DTNB: variants seen among roughly 807,000 people sequenced by gnomAD.
DTNB encodes DTN-B.
Under a neutral mutation model 90.7 loss-of-function variants are expected in DTNB, and 63 were observed. That is an observed-to-expected ratio of 0.69 (90% CI 0.57 to 0.86). The LOEUF is 0.86. Ranked by LOEUF, DTNB falls within the 40% of genes least tolerant of loss-of-function variation. The pLI is 0.00. For synonymous variants in DTNB, 277 were observed against 286.7 expected, an observed-to-expected ratio of 0.97 and a Z score of 0.34; for missense variants, 744 against 807.1, an observed-to-expected ratio of 0.92 and a Z score of 0.95.
At chr2:25,652,290 T>C (rs1403311735) in intron 2 of DTNB, among the ~76,000 whole-genome samples, 1 of 152,186 alleles carries the variant, frequency 6.6e-6, no homozygotes, top group Admixed American at 6.5e-5. Context: ...CCTGCAAAGT[T>C]CATGGTAACA....
chr2:25,609,657 TACACACACACACACACACACACACAC>T (rs4007298), intron 4 of DTNB, among the ~76,000 whole-genome samples: 11 of 127,006 alleles, frequency 8.7e-5, no homozygotes, highest in Non-Finnish European at 1.6e-4. Flanking sequence ...TAATAGAATG[TACACACACACACACACACACACACAC>T]ACACACACAC....
chr2:25,604,866 G>C (rs1373078844), intron 5 of DTNB, among the ~76,000 whole-genome samples: 7 of 151,348 alleles, frequency 4.6e-5, no homozygotes, highest in Non-Finnish European at 1.0e-4. Context: ...GATTACAGGC[G>C]GGAGCCACTG....
At chr2:25,586,313 C>T (rs910030227) in intron 6 of DTNB, among the ~76,000 whole-genome samples, 1 of 151,758 alleles carries the variant, frequency 6.6e-6, no homozygotes, top group Admixed American at 6.6e-5. Context: ...GAGTTTGAAA[C>T]CAGCTTGGCC....
In DTNB at chr2:25,576,882, C is replaced by T. The variant is rs1055017090; in HGVS notation, c.832G>A (p.Gly278Ser). ...QNCFWRGHAGGPHSNQHQMKE... is the reference protein window; with the variant it reads ...QNCFWRGHAGSPHSNQHQMKE... ...ATCTGGTGCTGGTTGCTGTGAGGGC[C>T]GCCGGCATGGCCACGCCAAAAGCAA... The change falls in exon 8 of 21, where the codon GGC (glycine) becomes AGC (serine). Residue 278 changes from glycine to serine, a missense_variant. By Grantham distance (56) the Gly-to-Ser change is moderately conservative. Transcript: ENST00000406818. The T allele has an allele frequency of 1.1e-5, 17 of 1,613,022 alleles. No homozygotes were observed. Among genetic ancestry groups the T allele is most frequent in the South Asian group, 4.4e-5 (4 of 90,838 alleles).
intron 4 of DTNB, among the ~76,000 whole-genome samples, chr2:25,623,711 A>G (rs1363418868): frequency 6.6e-6 from 1 of 152,228 alleles, no homozygotes; most frequent in Non-Finnish European, 1.5e-5. Context: ...TTTGGTATAT[A>G]ATAAAAATAA....
At chr2:25,663,175 T>G (rs1336505553) in intron 1 of DTNB, among the ~76,000 whole-genome samples, 1 of 152,172 alleles carries the variant, frequency 6.6e-6, no homozygotes, top group East Asian at 1.9e-4. Context: ...CTGTTTTCTG[T>G]TCCTGTGTTG....
chr2:25,574,600 G>A (rs900430718), intron 8 of DTNB, among the ~76,000 whole-genome samples: 1 of 152,120 alleles, frequency 6.6e-6, no homozygotes, highest in Admixed American at 6.5e-5. Flanking sequence ...CAAAACGTTA[G>A]TATAAACACA....
chr2:25,672,769 CG>C (rs2086355992), intron 1 of DTNB: 1 of 152,252 alleles, frequency 6.6e-6, no homozygotes, highest in East Asian at 1.9e-4. Context: ...GTGCTGACTA[CG>C]GGTCTCTACC....
chr2:25,583,921 G>T (rs1262457408), intron 6 of DTNB, among the ~76,000 whole-genome samples: 1 of 151,692 alleles, frequency 6.6e-6, no homozygotes, highest in Non-Finnish European at 1.5e-5. Context: ...TCCAAAAATT[G>T]TCCTAAAGTC....
At chr2:25,611,493 T>C (rs2068605997) in intron 4 of DTNB, among the ~76,000 whole-genome samples, 2 of 152,322 alleles carry the variant, frequency 1.3e-5, no homozygotes, top group East Asian at 1.9e-4. Context: ...TCCACGGATA[T>C]TCAAGTCCCC....
chr2:25,616,024 C>CA (rs2070367207), intron 4 of DTNB, among the ~76,000 whole-genome samples: 1 of 152,138 alleles, frequency 6.6e-6, no homozygotes, highest in Non-Finnish European at 1.5e-5. Context: ...AGTGATAAAT[C>CA]AAAGGACATA....
At chr2:25,625,941 C>A (rs1368128473) in intron 4 of DTNB, among the ~76,000 whole-genome samples, 1 of 152,136 alleles carries the variant, frequency 6.6e-6, no homozygotes, top group Non-Finnish European at 1.5e-5. Flanking sequence ...AACTCCTTTG[C>A]CCCTTTGTCA....
chr2:25,569,971 C>G (rs1468684600), intron 8 of DTNB, among the ~76,000 whole-genome samples: 1 of 151,882 alleles, frequency 6.6e-6, no homozygotes, highest in East Asian at 1.9e-4. Context: ...GTGGCGGGCG[C>G]CTGTAATCCC....
At chr2:25,597,338 C>G (rs2064859958) in intron 5 of DTNB, among the ~76,000 whole-genome samples, 1 of 147,904 alleles carries the variant, frequency 6.8e-6, no homozygotes, top group Non-Finnish European at 1.5e-5. Flanking sequence ...GACCTTGTCT[C>G]CAAAAAAAAA....
rs1026311513 is a variant in DTNB, at chr2:25,522,990, C to T, written c.1001+8483G>A. ...TGCTGGGATTACAGACATGAGCCAC[C>T]GCACCAGGCCTGGAGTCCACACATT... On this transcript the variant is annotated intron_variant, in intron 9 of 20. Transcript: ENST00000406818. 5.9e-5 allele frequency among the ~76,000 whole-genome samples: 9 copies of T among 152,208 alleles called. No individual in the cohort carries two copies. The East Asian group carries it at 1.4e-3, about 23-fold the overall frequency.
At chr2:25,463,979 C>T (rs1023340491) in intron 10 of DTNB, among the ~76,000 whole-genome samples, 4 of 152,238 alleles carry the variant, frequency 2.6e-5, no homozygotes, top group East Asian at 1.9e-4. Flanking sequence ...AATCTCGGCT[C>T]ACTGCAACCT....
At position 25,555,777 on chromosome 2, in the gene DTNB, A is replaced by C. The variant is rs189627140; in HGVS notation, c.876+21061T>G. ...ACTCCTGTAATCCCAGTCCTTTGGGAGGCTGAGGCAGGTGGATCACCTGAG... is the reference window on the plus strand; with the variant it reads ...ACTCCTGTAATCCCAGTCCTTTGGGCGGCTGAGGCAGGTGGATCACCTGAG... On this transcript the variant is annotated intron_variant, in intron 8 of 20. Transcript: ENST00000406818. Among the ~76,000 whole-genome samples the C allele has an allele frequency of 1.1e-3, 160 of 152,236 alleles. 1 individual carries two copies. The highest frequency in any genetic ancestry group is 3.7e-3 in the African/African-American group (155 of 41,534).
chr2:25,555,303 AAAAAAAC>A (rs1387842454), intron 8 of DTNB, among the ~76,000 whole-genome samples: 5 of 151,798 alleles, frequency 3.3e-5, no homozygotes, highest in African/African-American at 9.7e-5. Context: ...AAAAAAAAAA[AAAAAAAC>A]AAAAAGGTCT....
chr2:25,475,209 T>C (rs2063533659), intron 10 of DTNB, among the ~76,000 whole-genome samples: 2 of 152,222 alleles, frequency 1.3e-5, no homozygotes, highest in East Asian at 1.9e-4. Context: ...AGTCAAGCTA[T>C]GAATGCAAAG....
Sources: gnomAD v4.1 joint callset for allele counts (sites outside exome capture counted in the v4.1 genomes callset) on GRCh38, gnomAD v4.1.1 for gene constraint, MANE v1.5 for transcripts, NCBI Gene and HGNC (gene_info 2026-07-23, HGNC 2026-07-21) for gene names.